The following ILKAP variants were observed in gnomAD, a reference collection of about 807,000 sequenced individuals.
The protein encoded by ILKAP is integrin-linked kinase-associated serine/threonine phosphatase 2C.
ILKAP carries 11 observed loss-of-function variants against 49.1 expected under a neutral mutation model. That is an observed-to-expected ratio of 0.22 (90% confidence interval 0.14 to 0.37). The LOEUF (loss-of-function observed/expected upper bound fraction) is 0.37. Ranked by LOEUF, ILKAP falls within the 10% of genes least tolerant of loss-of-function variation. The pLI, the probability that ILKAP is intolerant of heterozygous loss-of-function variation, is 1.00. For synonymous variants in ILKAP, 186 were observed against 192.8 expected (o/e 0.96, Z 0.29); for missense variants, 363 against 510.8 (o/e 0.71, Z 2.79).
intron 1 of ILKAP, among the ~76,000 whole-genome samples, chr2:238,200,670 A>T (rs1432237035): frequency 6.6e-6 from 1 of 152,112 alleles, no homozygotes; most frequent in Non-Finnish European, 1.5e-5. Context: ...AAACATACAA[A>T]AATTAGCTGG....
intron 9 of ILKAP, among the ~76,000 whole-genome samples, chr2:238,181,307 AAAT>A (rs1693682714): frequency 6.6e-6 from 1 of 152,272 alleles, no homozygotes; most frequent in South Asian, 2.1e-4. Context: ...ACAAACCAGA[AAAT>A]ACTCCTGGTC....
rs546496774 is a variant in ILKAP, at chr2:238,182,055, C to T, written c.836+10G>A. 6.2e-7 allele frequency: 1 copy of T among 1,612,710 alleles called. No homozygotes were observed. The highest frequency in any genetic ancestry group is 1.3e-5 in the African/African-American group (1 of 74,986). On this transcript the variant is annotated intron_variant, in intron 9 of 11. Transcript: ENST00000254654. ...TCCTTCCCATGAGCTCCTCTCAGTC[C>T]CTTGGTTACCTGACGTTTCCTCCAG... is the stretch of plus-strand genomic sequence containing the variant.
chr2:238,194,946 G>C, intron 1 of ILKAP, 76 bp from the exon 2 acceptor site: 1 of 1,206,058 alleles, frequency 8.3e-7, no homozygotes, highest in South Asian at 1.2e-5. Context: ...AGATCATGTG[G>C]TCTCCCCTGC....
chr2:238,201,794 C>T (rs1351511177), intron 1 of ILKAP, among the ~76,000 whole-genome samples: 2 of 148,004 alleles, frequency 1.4e-5, no homozygotes, highest in African/African-American at 4.8e-5. Context: ...AATTATACTC[C>T]ATTGACAAGA....
In ILKAP at chr2:238,182,143, G is replaced by T; in HGVS notation, c.758C>A (p.Ala253Asp). ...ATTATGCTCTTTGCTGAGGCTTAAG[G>T]CTGCATGTTTTTGACTCTCCTCATT... The part of the protein sequence containing the change: ...RYNEESQKHA[A>D]LSLSKEHNPT... Residue 253 changes from alanine to aspartate, a missense_variant, in exon 9 of 12, where the codon GCC (alanine) becomes GAC (aspartate). Around this residue, in one of 3 missense-constraint regions of ILKAP, gnomAD observed 166 missense variants for 307.3 expected, o/e 0.54. Coordinates refer to ENST00000254654, the MANE Select transcript of ILKAP (RefSeq NM_030768.3). The T allele has an allele frequency of 6.2e-7, 1 of 1,613,882 alleles. No homozygotes were observed. Among genetic ancestry groups the T allele is most frequent in the Non-Finnish European group, 8.5e-7 (1 of 1,179,834 alleles).
chr2:238,188,521 G>A, intron 4 of ILKAP: 1 of 348,300 alleles, frequency 2.9e-6, no homozygotes, highest in Non-Finnish European at 5.3e-6. Context: ...ACTCTGTCTA[G>A]GGTGTAAGTC....
At chr2:238,203,470 C>G in intron 1 of ILKAP, 29 bp downstream of exon 1, 1 of 1,230,182 alleles carries the variant, frequency 8.1e-7, no homozygotes, top group Non-Finnish European at 1.0e-6. Context: ...TCTCCCTTCC[C>G]TGGCCGGCCC....
In ILKAP at chr2:238,182,152, T is replaced by C; in HGVS notation, c.749A>G (p.Lys250Arg). Residue 250 changes from lysine to arginine, a missense_variant, in exon 9 of 12, where the codon AAA becomes AGA. This residue lies in a region of ILKAP where 166 missense variants were observed against 307.3 expected (regional missense o/e 0.54). Transcript: ENST00000254654. ...TTTGCTGAGGCTTAAGGCTGCATGTTTTTGACTCTCCTCATTATAACGACA... is the reference window on the plus strand; with the variant it reads ...TTTGCTGAGGCTTAAGGCTGCATGTCTTTGACTCTCCTCATTATAACGACA... ...ILCRYNEESQ[K>R]HAALSLSKEH... 1 of 1,613,988 alleles carries C rather than the reference T, an allele frequency of 6.2e-7. No individual in the cohort carries two copies. Among genetic ancestry groups the C allele is most frequent in the Non-Finnish European group, 8.5e-7 (1 of 1,179,870 alleles).
At chr2:238,191,904 C>CAA (rs533953653) in intron 3 of ILKAP, among the ~76,000 whole-genome samples, 41 of 118,050 alleles carry the variant, frequency 3.5e-4, no homozygotes, top group African/African-American at 1.0e-3. Flanking sequence ...GGCTCCATCT[C>CAA]AAAAAAAAAA....
chr2:238,195,273 G>C (rs1432415086), intron 1 of ILKAP, among the ~76,000 whole-genome samples: 2 of 152,168 alleles, frequency 1.3e-5, no homozygotes, highest in Non-Finnish European at 2.9e-5. Flanking sequence ...TAGACGTTCA[G>C]AAATTTGGGG....
At chr2:238,197,758 C>A (rs1694405651) in intron 1 of ILKAP, among the ~76,000 whole-genome samples, 1 of 152,162 alleles carries the variant, frequency 6.6e-6, no homozygotes, top group African/African-American at 2.4e-5. Flanking sequence ...CAATTAAACA[C>A]AATGAGACCA....
intron 1 of ILKAP, among the ~76,000 whole-genome samples, chr2:238,203,258 C>T (rs985999944): frequency 3.3e-5 from 5 of 150,950 alleles, no homozygotes; most frequent in Non-Finnish European, 7.4e-5. Flanking sequence ...ACGGCTCGGC[C>T]CTTTCCTTCC....
chr2:238,202,578 G>C (rs1447487825), intron 1 of ILKAP, among the ~76,000 whole-genome samples: 1 of 152,174 alleles, frequency 6.6e-6, no homozygotes, highest in African/African-American at 2.4e-5. Flanking sequence ...TACTGGGGCT[G>C]AGGTGGGCCT....
chr2:238,193,358 C>T (rs1333193172), intron 3 of ILKAP, among the ~76,000 whole-genome samples: 5 of 152,082 alleles, frequency 3.3e-5, no homozygotes, highest in Non-Finnish European at 5.9e-5. Context: ...GTAGCTGGGA[C>T]GACAGGCACA....
intron 9 of ILKAP, among the ~76,000 whole-genome samples, chr2:238,174,715 G>C (rs1293096853): frequency 6.6e-6 from 1 of 152,158 alleles, no homozygotes; most frequent in African/African-American, 2.4e-5. Flanking sequence ...GCTGGTATCT[G>C]CAAAAAGCCT....
rs116153750 is a variant in ILKAP at position 238,181,975 on chromosome 2, A to G, written c.836+90T>C. 1,319 of 1,391,716 alleles carry G rather than the reference A, an allele frequency of 9.5e-4. 17 individuals are homozygous for G. The African/African-American group carries it at 0.016, about 17-fold the overall frequency. 86.2% of individuals were successfully genotyped at this position (1,391,716 alleles called of 1,614,324 possible). A position where few individuals can be genotyped will look rare whatever the true frequency, so the allele number is the denominator to read the frequency against. ...GCCTCGTCACACTGAAGACTACGTA[A>G]CAGGGGAAGTTCTACTCCTTGAAGG... On this transcript the variant is annotated intron_variant, in intron 9 of 11. Transcript: ENST00000254654.
Position 238,183,999 on chromosome 2 carries a change from T to G in ILKAP, c.626+21A>C, listed in dbSNP as rs770074696. Reference sequence around the variant, plus strand: ...ACACCACACACAGTCCACTCAAACTTCATCATCAAGTTATACTTACTGGCT... The same window carrying G: ...ACACCACACACAGTCCACTCAAACTGCATCATCAAGTTATACTTACTGGCT... On this transcript the variant is annotated intron_variant, in intron 7 of 11. Coordinates refer to ENST00000254654, the MANE Select transcript of ILKAP (RefSeq NM_030768.3). 26 of 1,458,248 alleles carry G rather than the reference T, an allele frequency of 1.8e-5. No homozygotes were observed. In the East Asian group the frequency reaches 5.7e-4, roughly 32 times the overall value. The allele number at this position is 1,458,248 out of a possible 1,614,324, so 90.3% of individuals were successfully genotyped here.
chr2:238,197,780 G>C (rs773637357), intron 1 of ILKAP, among the ~76,000 whole-genome samples: 11 of 152,144 alleles, frequency 7.2e-5, no homozygotes, highest in Non-Finnish European at 1.3e-4. Flanking sequence ...CCTACATTTT[G>C]CTGGCCACAA....
chr2:238,178,958 C>G (rs988992026), intron 9 of ILKAP, among the ~76,000 whole-genome samples: 5 of 152,136 alleles, frequency 3.3e-5, no homozygotes, highest in African/African-American at 1.2e-4. Flanking sequence ...TGGCTAATTT[C>G]TCTTTTTTAT....
Sources: allele counts gnomAD v4.1 joint callset (sites outside exome capture counted in the v4.1 genomes callset), GRCh38; gene constraint gnomAD v4.1.1; regional missense constraint gnomAD v4.1.1; transcripts MANE v1.5; gene names NCBI Gene and HGNC (gene_info 2026-07-23, HGNC 2026-07-21).